The following SYT16 variants were observed in gnomAD, a reference collection of about 807,000 sequenced individuals.
The protein encoded by SYT16 is synaptotagmin-16.
Under a neutral mutation model 61.4 loss-of-function variants are expected in SYT16, and 42 were observed. The observed-to-expected ratio is 0.68, with a 90% CI of 0.53 to 0.89. The LOEUF (loss-of-function observed/expected upper bound fraction) is 0.89. Among genes scored for constraint, SYT16 ranks in the 40% least tolerant of loss-of-function variants. SYT16 has a pLI of 0.00. For synonymous variants in SYT16, 314 were observed against 302.3 expected (o/e 1.04, Z -0.40); for missense variants, 804 against 807.3 (o/e 1.00, Z 0.05).
chr14:61,954,038 T>C (rs1298059909), intron 1 of SYT16, among the ~76,000 whole-genome samples: 1 of 152,222 alleles, frequency 6.6e-6, no homozygotes, highest in Non-Finnish European at 1.5e-5. Flanking sequence ...TTCAGGTTAA[T>C]GGATACTCAA....
intron 1 of SYT16, among the ~76,000 whole-genome samples, chr14:61,822,327 T>C (rs570428521): frequency 6.6e-6 from 1 of 152,282 alleles, no homozygotes; most frequent in Non-Finnish European, 1.5e-5. Flanking sequence ...CACTCCTTCT[T>C]TGTCCTCGTG....
intron 4 of SYT16, 89 bp from the exon 5 acceptor site, chr14:62,075,046 G>C (rs933930965): frequency 7.1e-7 from 1 of 1,407,414 alleles, no homozygotes; most frequent in Non-Finnish European, 9.6e-7. Flanking sequence ...CTGCAATCTT[G>C]ATTGTTGTGA....
rs934915373 is a variant in SYT16, at chr14:62,111,181, G to T, written c.*10474G>T. 1 of 151,934 alleles carries T rather than the reference G, an allele frequency of 6.6e-6. No individual in the cohort carries two copies. Among genetic ancestry groups the T allele is most frequent in the Non-Finnish European group, 1.5e-5 (1 of 67,902 alleles). 9.4% of individuals were successfully genotyped at this position (151,934 alleles called of 1,614,324 possible). On this transcript the variant is annotated 3_prime_UTR_variant, in exon 8 of 8. Coordinates refer to ENST00000683842, the MANE Select transcript of SYT16 (RefSeq NM_001367656.1). Reference sequence around the variant, plus strand: ...CCATATGCATACTGTGTACAGCTCTGTTGTTCTAAAATATTTTATTGGTTT... The same window carrying T: ...CCATATGCATACTGTGTACAGCTCTTTTGTTCTAAAATATTTTATTGGTTT...
chr14:61,923,661 AC>A (rs1594925314), intron 1 of SYT16, among the ~76,000 whole-genome samples: 1 of 152,250 alleles, frequency 6.6e-6, no homozygotes, highest in East Asian at 1.9e-4. Context: ...TAAACATCCT[AC>A]TGAAGTTATT....
chr14:62,096,335 A>G (rs1448359258), intron 7 of SYT16, among the ~76,000 whole-genome samples: 2 of 152,174 alleles, frequency 1.3e-5, no homozygotes, highest in Non-Finnish European at 2.9e-5. Context: ...TGTAAAGAGC[A>G]CAGTCATTCA....
At chr14:62,000,497 A>G (rs1286173043) in intron 3 of SYT16, among the ~76,000 whole-genome samples, 1 of 151,940 alleles carries the variant, frequency 6.6e-6, no homozygotes, top group African/African-American at 2.4e-5. Context: ...TTTTAATCCA[A>G]TATGACAAGC....
intron 3 of SYT16, among the ~76,000 whole-genome samples, chr14:62,012,478 GT>G (rs1298262697): frequency 6.6e-6 from 1 of 152,190 alleles, no homozygotes; most frequent in Non-Finnish European, 1.5e-5. Flanking sequence ...TAATGTAATT[GT>G]GGTGTGACAT....
intron 1 of SYT16, among the ~76,000 whole-genome samples, chr14:61,840,655 G>T (rs2046276556): frequency 6.6e-6 from 1 of 151,950 alleles, no homozygotes; most frequent in African/African-American, 2.4e-5. Context: ...AAAAGTGTAG[G>T]GAGTGAGCAA....
chr14:62,048,530 G>A (rs950153513), intron 3 of SYT16, among the ~76,000 whole-genome samples: 1 of 152,088 alleles, frequency 6.6e-6, no homozygotes, highest in African/African-American at 2.4e-5. Context: ...TTTTGAATGT[G>A]TTTGCTCTTG....
chr14:61,813,977 A>C (rs907011193), intron 1 of SYT16, among the ~76,000 whole-genome samples: 1 of 152,140 alleles, frequency 6.6e-6, no homozygotes, highest in African/African-American at 2.4e-5. Context: ...CCTGTATTTT[A>C]TCTCTCTAGA....
intron 3 of SYT16, among the ~76,000 whole-genome samples, chr14:62,014,185 G>A (rs1595157001): frequency 6.6e-6 from 1 of 152,122 alleles, no homozygotes; most frequent in East Asian, 1.9e-4. Context: ...CGAACCGTGG[G>A]TTCACAGATC....
chr14:61,951,139 C>T (rs2050655510), intron 1 of SYT16, among the ~76,000 whole-genome samples: 1 of 152,150 alleles, frequency 6.6e-6, no homozygotes, highest in South Asian at 2.1e-4. Flanking sequence ...TTTGAATGCT[C>T]CCAACAAACA....
chr14:61,828,248 T>C (rs997169346), intron 1 of SYT16, among the ~76,000 whole-genome samples: 1 of 152,244 alleles, frequency 6.6e-6, no homozygotes, highest in African/African-American at 2.4e-5. Flanking sequence ...TACTTTGTTA[T>C]GGTAGCCCTA....
intron 1 of SYT16, among the ~76,000 whole-genome samples, chr14:61,936,212 G>A (rs2049975061): frequency 6.6e-6 from 1 of 152,204 alleles, no homozygotes; most frequent in Non-Finnish European, 1.5e-5. Context: ...GTGATTGAGA[G>A]TCAGAGTGGG....
chr14:61,921,934 T>C (rs1375505883), intron 1 of SYT16, among the ~76,000 whole-genome samples: 2 of 152,190 alleles, frequency 1.3e-5, no homozygotes, highest in Non-Finnish European at 2.9e-5. Context: ...ACTAGCTGTT[T>C]TACCCCAAGC....
chr14:61,839,785 T>C (rs888777022), intron 1 of SYT16, among the ~76,000 whole-genome samples: 2 of 152,148 alleles, frequency 1.3e-5, no homozygotes, highest in African/African-American at 2.4e-5. Flanking sequence ...TATATTCCCA[T>C]GCGCTTACTT....
chr14:61,989,427 A>G (rs2052455723), intron 2 of SYT16, among the ~76,000 whole-genome samples: 2 of 152,082 alleles, frequency 1.3e-5, no homozygotes, highest in Non-Finnish European at 2.9e-5. Flanking sequence ...GCCAGGCCTG[A>G]TGGCAGAAGC....
chr14:61,922,640 T>C (rs970385358), intron 1 of SYT16, among the ~76,000 whole-genome samples: 1 of 152,156 alleles, frequency 6.6e-6, no homozygotes, highest in Non-Finnish European at 1.5e-5. Flanking sequence ...GTGACTTGCA[T>C]TTACTTACCT....
chr14:61,898,624 C>T (rs1469363352), intron 1 of SYT16, among the ~76,000 whole-genome samples: 2 of 152,152 alleles, frequency 1.3e-5, no homozygotes, highest in Non-Finnish European at 1.5e-5. Context: ...GTAGAGCATC[C>T]AAAGTTCATG....
Sources: allele counts gnomAD v4.1 joint callset (sites outside exome capture counted in the v4.1 genomes callset), GRCh38; gene constraint gnomAD v4.1.1; transcripts MANE v1.5; gene names NCBI Gene and HGNC (gene_info 2026-07-23, HGNC 2026-07-21).